Variants in MKLN1 observed in about 807,000 individuals in gnomAD.
MKLN1 encodes muskelin.
In MKLN1, 18 loss-of-function variants were observed where a neutral mutation model predicts 99.0. The ratio of observed to expected loss-of-function variants is 0.18; its 90% CI spans 0.13 to 0.27. The LOEUF (loss-of-function observed/expected upper bound fraction) is 0.27, where lower values mean the gene tolerates loss of function less well. Among genes scored for constraint, MKLN1 ranks in the 10% least tolerant of loss-of-function variants. The probability of loss-of-function intolerance (pLI) is 1.00; values close to 1 mark genes in which losing one functional copy is unlikely to be tolerated. For synonymous variants in MKLN1, 288 were observed against 293.2 expected (o/e 0.98, Z 0.18); for missense variants, 621 against 875.9 (o/e 0.71, Z 3.67).
chr7:131,451,160 C>G (rs770877159), intron 12 of MKLN1, among the ~76,000 whole-genome samples: 1 of 151,980 alleles, frequency 6.6e-6, no homozygotes, highest in Admixed American at 6.6e-5. Flanking sequence ...TATTTAAATT[C>G]CCACATTTTT....
intron 3 of MKLN1, among the ~76,000 whole-genome samples, chr7:131,269,380 T>C (rs1350252764): frequency 2.0e-5 from 3 of 152,196 alleles, no homozygotes; most frequent in Non-Finnish European, 4.4e-5. Flanking sequence ...CTTCTTGTTG[T>C]GTCCTCACAT....
intron 3 of MKLN1, among the ~76,000 whole-genome samples, chr7:131,296,980 C>T (rs1468329582): frequency 2.0e-5 from 3 of 152,164 alleles, no homozygotes; most frequent in East Asian, 1.9e-4. Context: ...CTCAAGTCAT[C>T]CACCTGCCTC....
At chr7:131,351,370 T>C (rs1799715231) in intron 1 of MKLN1, among the ~76,000 whole-genome samples, 1 of 152,242 alleles carries the variant, frequency 6.6e-6, no homozygotes, top group Non-Finnish European at 1.5e-5. Context: ...TCTAGATATG[T>C]TCAGTTGTTT....
At chr7:131,345,508 G>C (rs1000335244) in intron 1 of MKLN1, among the ~76,000 whole-genome samples, 3 of 152,160 alleles carry the variant, frequency 2.0e-5, no homozygotes, top group Admixed American at 6.5e-5. Flanking sequence ...ATAGAGTCCA[G>C]AAGTTGGAGA....
chr7:131,202,972 A>G (rs900827526), exon 3 of MKLN1: 1 of 152,256 alleles, frequency 6.6e-6, no homozygotes, highest in Non-Finnish European at 1.5e-5. Context: ...CAGGATGAAC[A>G]AGGTAACTGG....
intron 1 of MKLN1, among the ~76,000 whole-genome samples, chr7:131,341,182 T>C (rs1279172978): frequency 2.0e-5 from 3 of 152,066 alleles, no homozygotes; most frequent in East Asian, 1.9e-4. Flanking sequence ...TTTTTTTTAA[T>C]GTAACAGTGT....
intron 1 of MKLN1, among the ~76,000 whole-genome samples, chr7:131,329,754 C>T (rs967875413): frequency 1.3e-5 from 2 of 152,150 alleles, no homozygotes; most frequent in African/African-American, 4.8e-5. Flanking sequence ...CAACTTTAAT[C>T]TTTTGTGTCT....
At chr7:131,339,247 G>A (rs1313761195) in intron 1 of MKLN1, among the ~76,000 whole-genome samples, 1 of 152,220 alleles carries the variant, frequency 6.6e-6, no homozygotes, top group African/African-American at 2.4e-5. Context: ...ACTGTAACAT[G>A]ATTTGTTAGC....
intron 1 of MKLN1, among the ~76,000 whole-genome samples, chr7:131,334,743 G>C (rs1799201378): frequency 6.6e-6 from 1 of 152,114 alleles, no homozygotes; most frequent in South Asian, 2.1e-4. Flanking sequence ...GTGGCAATGA[G>C]TTTGCTGTAT....
At chr7:131,252,300 G>T (rs1442301959) in intron 3 of MKLN1, among the ~76,000 whole-genome samples, 1 of 151,048 alleles carries the variant, frequency 6.6e-6, no homozygotes, top group African/African-American at 2.4e-5. Flanking sequence ...ATTGTTTTGG[G>T]GATCATAGTG....
At chr7:131,223,787 G>C (rs1018268580) in intron 3 of MKLN1, among the ~76,000 whole-genome samples, 1 of 151,934 alleles carries the variant, frequency 6.6e-6, no homozygotes, top group African/African-American at 2.4e-5. Context: ...TTTTTTTTGA[G>C]ATGGAGTCTT....
At chr7:131,173,700 T>C (rs909028983) in intron 2 of MKLN1, among the ~76,000 whole-genome samples, 2 of 151,974 alleles carry the variant, frequency 1.3e-5, no homozygotes, top group Non-Finnish European at 2.9e-5. Context: ...ACCTGGGTCA[T>C]AGAGCAAGAT....
At chr7:131,390,480 T>G (rs1794166861) in intron 4 of MKLN1, among the ~76,000 whole-genome samples, 1 of 152,092 alleles carries the variant, frequency 6.6e-6, no homozygotes, top group Non-Finnish European at 1.5e-5. Flanking sequence ...CAGCCTTTTT[T>G]CCCCTTTCTT....
chr7:131,192,323 AC>A (rs1456974814), intron 2 of MKLN1, among the ~76,000 whole-genome samples: 2 of 108,646 alleles, frequency 1.8e-5, no homozygotes, highest in African/African-American at 7.6e-5. Context: ...TATAATATAT[AC>A]AATATATAAA....
chr7:131,139,691 G>A (rs1795702845), intron 1 of MKLN1, among the ~76,000 whole-genome samples: 1 of 152,182 alleles, frequency 6.6e-6, no homozygotes, highest in Non-Finnish European at 1.5e-5. Flanking sequence ...TCTCAGCAGT[G>A]GACTGCTCAG....
rs1352857757 is a variant in MKLN1, at chr7:131,489,988, C to CA, written c.*2261dup. 2 of 152,432 alleles carry CA rather than the reference C, an allele frequency of 1.3e-5. No homozygotes were observed. The highest frequency in any genetic ancestry group is 4.8e-5 in the African/African-American group (2 of 41,436). The allele number at this position is 152,432 out of a possible 1,614,324, so 9.4% of individuals were successfully genotyped here. On this transcript the variant is annotated 3_prime_UTR_variant, in exon 18 of 18. Coordinates refer to ENST00000352689, the MANE Select transcript of MKLN1 (RefSeq NM_013255.5). ...TGTACTGAGGAGATAATTGAAAAGTCAGACTCTGTACTGTGGGGCTTTAAT... is the reference window on the plus strand; with the variant it reads ...TGTACTGAGGAGATAATTGAAAAGTCAAGACTCTGTACTGTGGGGCTTTAAT...
At chr7:131,344,245 TAATA>T (rs1799489433) in intron 1 of MKLN1, among the ~76,000 whole-genome samples, 1 of 152,190 alleles carries the variant, frequency 6.6e-6, no homozygotes, top group Non-Finnish European at 1.5e-5. Flanking sequence ...TTTTAGCAAA[TAATA>T]AATACTACTT....
At chr7:131,317,430 G>A (rs1485654496) in intron 3 of MKLN1, among the ~76,000 whole-genome samples, 1 of 152,058 alleles carries the variant, frequency 6.6e-6, no homozygotes, top group African/African-American at 2.4e-5. Context: ...CCACCAGGCT[G>A]GTCTTACAAA....
intron 3 of MKLN1, among the ~76,000 whole-genome samples, chr7:131,206,997 C>G (rs1301995495): frequency 1.3e-5 from 2 of 152,002 alleles, no homozygotes. Flanking sequence ...AGGCTTGGAG[C>G]TAGGTGTGGG....
Sources: allele counts gnomAD v4.1 joint callset (sites outside exome capture counted in the v4.1 genomes callset), GRCh38; gene constraint gnomAD v4.1.1; transcripts MANE v1.5; gene names NCBI Gene and HGNC (gene_info 2026-07-23, HGNC 2026-07-21).